LPP: variants seen among roughly 807,000 people sequenced by gnomAD.
LPP encodes LIM domain containing preferred translocation partner in lipoma.
Under a neutral mutation model 60.4 loss-of-function variants are expected in LPP, and 38 were observed. The ratio of observed to expected loss-of-function variants is 0.63; its 90% CI spans 0.49 to 0.83. The LOEUF is 0.83. LPP is among the 40% of genes least tolerant of loss of function. The probability of loss-of-function intolerance (pLI) is 0.00; values close to 1 mark genes in which losing one functional copy is unlikely to be tolerated. For synonymous variants in LPP, 328 were observed against 290.8 expected, an observed-to-expected ratio of 1.13 and a Z score of -1.30; for missense variants, 902 against 783.6, an observed-to-expected ratio of 1.15 and a Z score of -1.80.
At chr3:188,595,226 G>A (rs1025198992) in intron 6 of LPP, among the ~76,000 whole-genome samples, 1 of 146,656 alleles carries the variant, frequency 6.8e-6, no homozygotes, top group African/African-American at 2.4e-5. Flanking sequence ...TTTGAACCCA[G>A]GAATTTCAGT....
chr3:188,252,973 A>C (rs959556338), intron 2 of LPP, among the ~76,000 whole-genome samples: 2 of 151,278 alleles, frequency 1.3e-5, no homozygotes, highest in South Asian at 2.1e-4. Flanking sequence ...GGGTTTTGCC[A>C]TGTTGGCCAG....
intron 1 of LPP, among the ~76,000 whole-genome samples, chr3:188,197,491 G>A (rs531784733): frequency 3.3e-4 from 51 of 152,258 alleles, no homozygotes; most frequent in Non-Finnish European, 3.7e-4. Context: ...TGGAGGAAGC[G>A]AGTGCAGAAT....
chr3:188,395,312 G>A (rs1179677922), intron 3 of LPP, among the ~76,000 whole-genome samples: 2 of 152,118 alleles, frequency 1.3e-5, no homozygotes, highest in Non-Finnish European at 2.9e-5. Flanking sequence ...TTGAACCCCT[G>A]GTCTCAAGTG....
chr3:188,158,638 T>C (rs1157657755), intron 1 of LPP, among the ~76,000 whole-genome samples: 2 of 152,242 alleles, frequency 1.3e-5, no homozygotes, highest in East Asian at 3.8e-4. Context: ...TTTCAAATGC[T>C]TACCACCTGT....
chr3:188,763,790 TATAG>T (rs1346420374), intron 9 of LPP, among the ~76,000 whole-genome samples: 8 of 152,096 alleles, frequency 5.3e-5, no homozygotes, highest in Admixed American at 4.6e-4. Context: ...ATAACATGCC[TATAG>T]ATAGTTAATA....
Position 188,606,194 on chromosome 3 carries a change from C to G in LPP, c.430-2967C>G, listed in dbSNP as rs192758479. 1.9e-4 allele frequency among the ~76,000 whole-genome samples: 29 copies of G among 152,296 alleles called. No individual in the cohort carries two copies. The East Asian group carries it at 5.4e-3, about 28-fold the overall frequency. On this transcript the variant is annotated intron_variant, in intron 6 of 11. Transcript: ENST00000617246. ...CCTAGAGGAGATGACGGCTCTGCCT[C>G]TGCTAGTTCCATATTATTTCCCTGT... is the stretch of plus-strand genomic sequence containing the variant.
intron 7 of LPP, among the ~76,000 whole-genome samples, chr3:188,642,657 T>G (rs1169461653): frequency 6.6e-6 from 1 of 152,080 alleles, no homozygotes; most frequent in Non-Finnish European, 1.5e-5. Flanking sequence ...TGATAATCGG[T>G]CAGGTGCGGT....
intron 4 of LPP, among the ~76,000 whole-genome samples, chr3:188,464,672 T>C (rs1799927847): frequency 6.6e-6 from 1 of 152,132 alleles, no homozygotes; most frequent in African/African-American, 2.4e-5. Context: ...ACAACATAGA[T>C]ATATCATTGA....
At chr3:188,749,518 C>T (rs1372416291) in intron 8 of LPP, among the ~76,000 whole-genome samples, 1 of 152,176 alleles carries the variant, frequency 6.6e-6, no homozygotes, top group East Asian at 1.9e-4. Flanking sequence ...AATTGGCTTC[C>T]TAAGGAAGTA....
chr3:188,659,075 T>A (rs549579528), intron 7 of LPP, among the ~76,000 whole-genome samples: 11 of 152,234 alleles, frequency 7.2e-5, no homozygotes, highest in African/African-American at 2.4e-4. Flanking sequence ...CCAAATATAG[T>A]CTAGATGCTT....
intron 7 of LPP, among the ~76,000 whole-genome samples, chr3:188,664,990 C>CA (rs1855453606): frequency 6.6e-6 from 1 of 152,136 alleles, no homozygotes; most frequent in East Asian, 1.9e-4. Flanking sequence ...CCCACACACC[C>CA]AGTGTAGTAC....
chr3:188,229,763 C>T (rs1719158480), intron 2 of LPP, among the ~76,000 whole-genome samples: 1 of 152,190 alleles, frequency 6.6e-6, no homozygotes, highest in South Asian at 2.1e-4. Flanking sequence ...TATTTCTTGG[C>T]TTCTGGCACA....
Position 188,890,655 on chromosome 3 carries a change from ACTT to A in LPP, c.*16180_*16182del, listed in dbSNP as rs1353038096. On this transcript the variant is annotated 3_prime_UTR_variant, in exon 12 of 12. Transcript: ENST00000617246. ...TTTATTATATTTAGAAATCCAATAAACTTCTTATTACATTTACTTGCCTATGTG... is the reference window on the plus strand; with the variant it reads ...TTTATTATATTTAGAAATCCAATAAACTTATTACATTTACTTGCCTATGTG... 1 of 169,156 alleles carries A rather than the reference ACTT, an allele frequency of 5.9e-6. No individual in the cohort carries two copies. Among genetic ancestry groups the A allele is most frequent in the Non-Finnish European group, 1.3e-5 (1 of 77,962 alleles). The allele number at this position is 169,156 out of a possible 1,614,324, so 10.5% of individuals were successfully genotyped here. A position where few individuals can be genotyped will look rare whatever the true frequency, so the allele number is the denominator to read the frequency against.
chr3:188,494,909 C>G (rs1809486410), intron 5 of LPP, among the ~76,000 whole-genome samples: 1 of 150,786 alleles, frequency 6.6e-6, no homozygotes, highest in African/African-American at 2.4e-5. Flanking sequence ...TTGACATGTC[C>G]TAAAACTTAG....
chr3:188,660,282 T>C (rs1199489407), intron 7 of LPP, among the ~76,000 whole-genome samples: 1 of 152,216 alleles, frequency 6.6e-6, no homozygotes. Context: ...TATTGTTCAA[T>C]GTTGGCATAT....
intron 2 of LPP, among the ~76,000 whole-genome samples, chr3:188,330,632 ATGGTAAAACCTTGTCTC>A (rs1553864794): frequency 1.3e-5 from 2 of 152,138 alleles, no homozygotes; most frequent in Non-Finnish European, 2.9e-5. Context: ...TCCCAGCAAC[ATGGTAAAACCTTGTCTC>A]TACAAAAAAC....
chr3:188,223,269 A>C (rs117701373), intron 1 of LPP, among the ~76,000 whole-genome samples: 1 of 152,330 alleles, frequency 6.6e-6, no homozygotes, highest in East Asian at 1.9e-4. Flanking sequence ...TCAACAATGT[A>C]TAATTTTTTA....
At chr3:188,718,879 A>G (rs1189134121) in intron 8 of LPP, among the ~76,000 whole-genome samples, 3 of 152,218 alleles carry the variant, frequency 2.0e-5, no homozygotes, top group Non-Finnish European at 4.4e-5. Flanking sequence ...TTAAGAGACT[A>G]GGAAAACCTC....
intron 9 of LPP, among the ~76,000 whole-genome samples, chr3:188,799,900 T>A (rs773053891): frequency 6.6e-6 from 1 of 152,160 alleles, no homozygotes; most frequent in Non-Finnish European, 1.5e-5. Context: ...TTTCAACTCC[T>A]CTCTCTAGAG....
Sources: allele counts gnomAD v4.1 joint callset (sites outside exome capture counted in the v4.1 genomes callset), GRCh38; gene constraint gnomAD v4.1.1; transcripts MANE v1.5; gene names NCBI Gene and HGNC (gene_info 2026-07-23, HGNC 2026-07-21).